Variants in TTC28 observed in about 807,000 individuals in gnomAD.
The protein encoded by TTC28 is tetratricopeptide repeat protein 28.
In TTC28, 61 loss-of-function variants were observed where a neutral mutation model predicts 198.0. The observed-to-expected ratio is 0.31, with a 90% CI of 0.25 to 0.38. The LOEUF is 0.38. Ranked by LOEUF, TTC28 falls within the 10% of genes least tolerant of loss-of-function variation. TTC28 has a pLI of 1.00. For synonymous variants in TTC28, 1,171 were observed against 1,297.8 expected (o/e 0.90, Z 2.10); for missense variants, 2,678 against 3,164.0 (o/e 0.85, Z 3.69).
intron 12 of TTC28, among the ~76,000 whole-genome samples, chr22:28,089,430 C>A (rs1336544924): frequency 6.6e-6 from 1 of 150,930 alleles, no homozygotes; most frequent in Admixed American, 6.6e-5. Flanking sequence ...AAGCAAACAC[C>A]GCATATTCTC....
At chr22:28,401,220 T>C (rs551583118) in intron 2 of TTC28, among the ~76,000 whole-genome samples, 100 of 151,718 alleles carry the variant, frequency 6.6e-4, no homozygotes, top group African/African-American at 1.4e-3. Flanking sequence ...ACGATGACGA[T>C]GACGACGACG....
intron 17 of TTC28, among the ~76,000 whole-genome samples, 182 bp downstream of exon 17, chr22:27,995,953 G>C (rs1251404668): frequency 6.6e-6 from 1 of 152,166 alleles, no homozygotes; most frequent in Non-Finnish European, 1.5e-5. Context: ...GCTGGGACAT[G>C]GGTCTCCCAG....
intron 2 of TTC28, among the ~76,000 whole-genome samples, chr22:28,512,883 C>T (rs917482407): frequency 2.0e-4 from 30 of 151,894 alleles, no homozygotes; most frequent in African/African-American, 7.3e-4. Flanking sequence ...ACCTATATAA[C>T]ACCTGCACAT....
intron 2 of TTC28, among the ~76,000 whole-genome samples, chr22:28,381,175 C>T (rs187543309): frequency 6.6e-6 from 1 of 151,862 alleles, no homozygotes; most frequent in African/African-American, 2.4e-5. Flanking sequence ...GTCAGGAGAC[C>T]CAGTAGAAGG....
chr22:28,047,767 T>C (rs920745675), intron 12 of TTC28, among the ~76,000 whole-genome samples: 11 of 152,158 alleles, frequency 7.2e-5, no homozygotes, highest in African/African-American at 2.4e-4. Flanking sequence ...GAACAAACCC[T>C]GGCTGCTGCA....
chr22:28,248,945 T>C (rs533682224), intron 5 of TTC28, among the ~76,000 whole-genome samples: 1 of 152,262 alleles, frequency 6.6e-6, no homozygotes, highest in Admixed American at 6.5e-5. Context: ...TGTGAGTAAA[T>C]ACTTACTGCA....
rs537634312 is a variant in TTC28, at chr22:28,434,359, T to C, written c.382-127716A>G. On this transcript the variant is annotated intron_variant, in intron 2 of 22. Coordinates refer to ENST00000397906, the MANE Select transcript of TTC28 (RefSeq NM_001145418.2). ...CTTCTGTTTAAGAAGGCAGAAAATA[T>C]GTAATATATTTTAGAAAACTTCACC... is the stretch of plus-strand genomic sequence containing the variant. 2.6e-5 allele frequency among the ~76,000 whole-genome samples: 4 copies of C among 152,240 alleles called. No homozygotes were observed. In the East Asian group the frequency reaches 7.7e-4, roughly 29 times the overall value.
intron 1 of TTC28, among the ~76,000 whole-genome samples, chr22:28,673,528 A>G (rs1197293131): frequency 6.6e-6 from 1 of 152,222 alleles, no homozygotes; most frequent in Non-Finnish European, 1.5e-5. Flanking sequence ...TAGTTCAGAA[A>G]ATGTTAGGAC....
chr22:28,251,891 T>C (rs1302971603), intron 5 of TTC28, among the ~76,000 whole-genome samples: 1 of 152,136 alleles, frequency 6.6e-6, no homozygotes, highest in East Asian at 1.9e-4. Flanking sequence ...CTACAAACAT[T>C]TATCCTAGAT....
At chr22:28,629,452 A>C in intron 2 of TTC28, 100 bp downstream of exon 2, 5 of 1,207,276 alleles carry the variant, frequency 4.1e-6, no homozygotes, top group Non-Finnish European at 5.6e-6. Flanking sequence ...GATTATTAAA[A>C]TATTAGTAAG....
At chr22:28,497,598 T>G (rs1320272267) in intron 2 of TTC28, among the ~76,000 whole-genome samples, 1 of 152,172 alleles carries the variant, frequency 6.6e-6, no homozygotes, top group Non-Finnish European at 1.5e-5. Flanking sequence ...GTGATTCTAA[T>G]GTACAGCCAG....
At chr22:28,049,990 A>G (rs1201951991) in intron 12 of TTC28, among the ~76,000 whole-genome samples, 1 of 152,118 alleles carries the variant, frequency 6.6e-6, no homozygotes, top group Non-Finnish European at 1.5e-5. Flanking sequence ...CACATTATTA[A>G]TGACAGCTGA....
intron 2 of TTC28, among the ~76,000 whole-genome samples, chr22:28,376,572 G>A (rs2046412073): frequency 6.6e-6 from 1 of 152,048 alleles, no homozygotes; most frequent in South Asian, 2.1e-4. Context: ...ATTGGACAAG[G>A]GGCAACAAAG....
At chr22:28,165,475 A>ACC (rs1921819925) in intron 5 of TTC28, among the ~76,000 whole-genome samples, 3 of 150,502 alleles carry the variant, frequency 2.0e-5, no homozygotes, top group African/African-American at 7.3e-5. Context: ...CTAACAGCTG[A>ACC]TCTCAGGACA....
At position 28,294,474 on chromosome 22, in the gene TTC28, ATCTTAAAAGTCTT is replaced by A. The variant is rs375164755; in HGVS notation, c.933+1711_933+1723del. ...ATTTCTTTACCATTATGATTCAGATATCTTAAAAGTCTTTCTACCCTTTGTAGTAATTGGGCTA... is the reference window on the plus strand; with the variant it reads ...ATTTCTTTACCATTATGATTCAGATATCTACCCTTTGTAGTAATTGGGCTA... On this transcript the variant is annotated intron_variant, in intron 5 of 22. Coordinates refer to ENST00000397906, the MANE Select transcript of TTC28 (RefSeq NM_001145418.2). 4.9e-3 allele frequency among the ~76,000 whole-genome samples: 740 copies of A among 152,256 alleles called. 5 individuals carry two copies. The highest frequency in any genetic ancestry group is 0.017 in the African/African-American group (710 of 41,556).
At chr22:28,111,286 T>C (rs1349453557) in intron 6 of TTC28, among the ~76,000 whole-genome samples, 7 of 152,140 alleles carry the variant, frequency 4.6e-5, no homozygotes, top group East Asian at 1.9e-4. Flanking sequence ...GGGTTAGAGA[T>C]GTCACCAGGA....
intron 5 of TTC28, among the ~76,000 whole-genome samples, chr22:28,292,797 T>G (rs550632668): frequency 3.6e-4 from 55 of 152,268 alleles, no homozygotes; most frequent in Admixed American, 2.8e-3. Flanking sequence ...TTTTAATATT[T>G]TCATGTATTA....
chr22:28,389,248 ATTTTAT>A (rs1307503669), intron 2 of TTC28, among the ~76,000 whole-genome samples: 1 of 152,130 alleles, frequency 6.6e-6, no homozygotes, highest in Admixed American at 6.5e-5. Flanking sequence ...GTTTGCCAGT[ATTTTAT>A]TGAGGATTTT....
intron 2 of TTC28, among the ~76,000 whole-genome samples, chr22:28,332,832 T>C (rs1232302109): frequency 1.4e-4 from 22 of 152,086 alleles, no homozygotes; most frequent in Non-Finnish European, 2.9e-5. Context: ...GCTAAGGCAA[T>C]AAATGCCTAT....
Sources: gnomAD v4.1 joint callset for allele counts (sites outside exome capture counted in the v4.1 genomes callset) on GRCh38, gnomAD v4.1.1 for gene constraint, MANE v1.5 for transcripts, NCBI Gene and HGNC (gene_info 2026-07-23, HGNC 2026-07-21) for gene names.